The following LONP2 variants were observed in gnomAD, a reference collection of about 807,000 sequenced individuals.
LONP2 encodes lon protease homolog 2, peroxisomal.
Under a neutral mutation model 85.6 loss-of-function variants are expected in LONP2, and 60 were observed. That is an observed-to-expected ratio of 0.70 (90% CI 0.57 to 0.87). LONP2 has a LOEUF of 0.87. Ranked by LOEUF, LONP2 falls within the 40% of genes least tolerant of loss-of-function variation. The pLI is 0.00. For missense variants in LONP2, 860 were observed against 1,063.5 expected (o/e 0.81, Z 2.66); for synonymous variants, 395 against 389.7 (o/e 1.01, Z -0.16).
chr16:48,275,223 T>G (rs909113066), intron 7 of LONP2, among the ~76,000 whole-genome samples: 2 of 152,200 alleles, frequency 1.3e-5, no homozygotes, highest in Non-Finnish European at 2.9e-5. Context: ...ACCCACCAGG[T>G]TGACACTATT....
chr16:48,312,134 G>A (rs1973045884), intron 11 of LONP2, among the ~76,000 whole-genome samples: 1 of 151,806 alleles, frequency 6.6e-6, no homozygotes, highest in East Asian at 1.9e-4. Flanking sequence ...GTAGAGATGC[G>A]GTTTCACCTT....
Position 48,296,162 on chromosome 16 carries a change from C to G in LONP2, c.1531C>G (p.Pro511Ala). Residue 511 changes from proline (P) to alanine (A), a missense_variant, in exon 9 of 15, where the codon CCA becomes GCA. Coordinates refer to ENST00000285737, the MANE Select transcript of LONP2 (RefSeq NM_031490.5). ...GGACAGAATGGAGATCATTCAGGTTCCAGGTACCTGACTCTTAAATCATTA... is the reference window on the plus strand; with the variant it reads ...GGACAGAATGGAGATCATTCAGGTTGCAGGTACCTGACTCTTAAATCATTA... ...LLDRMEIIQV[P>A]GYTQEEKIEI... is the part of the protein sequence containing the mutation. 1 of 1,613,894 alleles carries G rather than the reference C, an allele frequency of 6.2e-7. No individual in the cohort carries two copies. Among genetic ancestry groups the G allele is most frequent in the Non-Finnish European group, 8.5e-7 (1 of 1,179,952 alleles).
Position 48,262,830 on chromosome 16 carries a change from T to A in LONP2, c.940T>A (p.Leu314Met). The change falls in exon 6 of 15, where the codon TTG becomes ATG. Residue 314 changes from leucine (L) to methionine (M), a missense_variant. Around this residue, in one of 3 missense-constraint regions of LONP2, gnomAD observed 743 missense variants for 917.3 expected, o/e 0.81. Transcript: ENST00000285737. ...MPEYALTRNY[L>M]ELMVELPWNK... is the part of the protein sequence containing the mutation. ...AGAATATGCTCTGACTAGAAATTAT[T>A]TGGAACTTATGGTAGAACTTCCTTG... 2 of 1,612,428 alleles carry A rather than the reference T, an allele frequency of 1.2e-6. No homozygotes were observed. The highest frequency in any genetic ancestry group is 2.7e-5 in the African/African-American group (2 of 74,954).
intron 6 of LONP2, among the ~76,000 whole-genome samples, chr16:48,264,291 C>CCTG (rs1456483476): frequency 6.6e-6 from 1 of 152,102 alleles, no homozygotes; most frequent in Non-Finnish European, 1.5e-5. Flanking sequence ...GCAATCTCGA[C>CCTG]CATAAGAGAC....
chr16:48,333,710 A>G (rs1037320820), intron 11 of LONP2, among the ~76,000 whole-genome samples: 1 of 135,018 alleles, frequency 7.4e-6, no homozygotes, highest in Non-Finnish European at 1.6e-5. Flanking sequence ...AGAGGAGGGG[A>G]GGGGAGGGGA....
intron 2 of LONP2, among the ~76,000 whole-genome samples, chr16:48,254,145 G>T (rs974262613): frequency 1.3e-5 from 2 of 152,090 alleles, no homozygotes; most frequent in African/African-American, 4.8e-5. Flanking sequence ...TTGAGTAAAA[G>T]ACTTTAATGG....
At chr16:48,321,400 A>G (rs943261663) in intron 11 of LONP2, among the ~76,000 whole-genome samples, 1 of 152,198 alleles carries the variant, frequency 6.6e-6, no homozygotes, top group Non-Finnish European at 1.5e-5. Context: ...CAGGGGTGCA[A>G]ACTTTCTTGT....
intron 6 of LONP2, among the ~76,000 whole-genome samples, chr16:48,267,616 T>C (rs924719948): frequency 3.3e-5 from 5 of 151,564 alleles, no homozygotes; most frequent in Admixed American, 3.3e-4. Flanking sequence ...TCTTTGTTTG[T>C]TTGTTTGTTC....
chr16:48,298,629 GTGTGTGTGT>G (rs1972729343), intron 9 of LONP2, among the ~76,000 whole-genome samples: 1 of 111,386 alleles, frequency 9.0e-6, no homozygotes, highest in African/African-American at 4.0e-5. Flanking sequence ...TAATTGAGGT[GTGTGTGTGT>G]GTGTGTGTGT....
chr16:48,359,057 G>C (rs1352879785), downstream of LONP2, among the ~76,000 whole-genome samples: 1 of 152,198 alleles, frequency 6.6e-6, no homozygotes, highest in Non-Finnish European at 1.5e-5. Flanking sequence ...ATACGATCTT[G>C]GCTCACTGCA....
intron 1 of LONP2, among the ~76,000 whole-genome samples, chr16:48,251,732 G>C (rs1474132661): frequency 6.6e-6 from 1 of 152,104 alleles, no homozygotes; most frequent in Non-Finnish European, 1.5e-5. Context: ...TTCTTAGATT[G>C]GTTTATGCTA....
At chr16:48,245,159 C>T (rs996311580) in intron 1 of LONP2, among the ~76,000 whole-genome samples, 5 of 152,138 alleles carry the variant, frequency 3.3e-5, no homozygotes, top group African/African-American at 1.2e-4. Flanking sequence ...TCTATACTCC[C>T]TGCCACCCTT....
chr16:48,299,047 T>C (rs1282762069), intron 9 of LONP2, among the ~76,000 whole-genome samples: 1 of 151,608 alleles, frequency 6.6e-6, no homozygotes, highest in Admixed American at 6.6e-5. Context: ...TGCGCAACCA[T>C]GCTCAGCTAA....
intron 11 of LONP2, among the ~76,000 whole-genome samples, chr16:48,333,106 T>TA (rs1959511599): frequency 6.6e-6 from 1 of 152,134 alleles, no homozygotes; most frequent in African/African-American, 2.4e-5. Context: ...TGAGATCGAA[T>TA]ACAGCCAAGT....
chr16:48,332,362 G>A (rs1959480164), intron 11 of LONP2, among the ~76,000 whole-genome samples: 1 of 152,038 alleles, frequency 6.6e-6, no homozygotes, highest in Non-Finnish European at 1.5e-5. Context: ...GATCACTTGA[G>A]GTCAGGAGTT....
Position 48,351,815 on chromosome 16 carries a change from A to T in LONP2, c.*13A>T. ...TAGCAAACTGTAGGTCCAAATCTCAATTTTTTAGAATTTTAAGTTATGAAG... is the reference window on the plus strand; with the variant it reads ...TAGCAAACTGTAGGTCCAAATCTCATTTTTTTAGAATTTTAAGTTATGAAG... On this transcript the variant is annotated 3_prime_UTR_variant, in exon 15 of 15. Transcript: ENST00000285737. The T allele has an allele frequency of 6.2e-7, 1 of 1,605,422 alleles. No individual in the cohort carries two copies.
chr16:48,286,165 G>A lies in LONP2; in HGVS notation c.1383+8686G>A, dbSNP rs542788398. ...ATCTTTTTTTTTTTTTTTTTGAGAC[G>A]GAGTCTCACCATGTTGCCCAGGCTG... On this transcript the variant is annotated intron_variant, in intron 8 of 14. Transcript: ENST00000285737. Among the ~76,000 whole-genome samples the A allele has an allele frequency of 1.2e-4, 17 of 141,740 alleles. 1 individual carries two copies. Among genetic ancestry groups the A allele is most frequent in the East Asian group, 6.0e-4 (3 of 4,994 alleles). 93.0% of individuals were successfully genotyped at this position (141,740 alleles called of 152,430 possible). A position where few individuals can be genotyped will look rare whatever the true frequency, so the allele number is the denominator to read the frequency against.
intron 7 of LONP2, among the ~76,000 whole-genome samples, chr16:48,272,483 G>T (rs9926192): frequency 0.19 from 28,913 of 151,900 alleles, 3,189 homozygotes; most frequent in African/African-American, 0.3. Flanking sequence ...ATATGCTTTT[G>T]TGTATGTGAC....
At chr16:48,250,702 A>C (rs909351887) in intron 1 of LONP2, among the ~76,000 whole-genome samples, 1 of 152,286 alleles carries the variant, frequency 6.6e-6, no homozygotes, top group South Asian at 2.1e-4. Flanking sequence ...CTCTTTCAGC[A>C]TTGTACAAAC....
Sources: allele counts gnomAD v4.1 joint callset (sites outside exome capture counted in the v4.1 genomes callset), GRCh38; gene constraint gnomAD v4.1.1; regional missense constraint gnomAD v4.1.1; transcripts MANE v1.5; gene names NCBI Gene and HGNC (gene_info 2026-07-23, HGNC 2026-07-21).